The following MAML3 variants were observed in gnomAD, a reference collection of about 807,000 sequenced individuals.
The protein encoded by MAML3 is mastermind like transcriptional coactivator 3, also known as mastermind-like protein 3.
Under a neutral mutation model 101.9 loss-of-function variants are expected in MAML3, and 27 were observed. The ratio of observed to expected loss-of-function variants is 0.27; its 90% confidence interval spans 0.20 to 0.37. The LOEUF (loss-of-function observed/expected upper bound fraction) is 0.37, where lower values mean the gene tolerates loss of function less well. Ranked by LOEUF, MAML3 falls within the 10% of genes least tolerant of loss-of-function variation. MAML3 has a pLI of 1.00. For synonymous variants in MAML3, 501 were observed against 555.9 expected (o/e 0.90, Z 1.39); for missense variants, 1,316 against 1,444.9 (o/e 0.91, Z 1.45).
intron 1 of MAML3, among the ~76,000 whole-genome samples, chr4:140,000,377 C>G (rs1453041647): frequency 6.6e-6 from 1 of 151,840 alleles, no homozygotes; most frequent in African/African-American, 2.4e-5. Flanking sequence ...ATGATTCAAC[C>G]TGGGAATAAA....
chr4:140,043,787 C>T (rs369057952), intron 1 of MAML3, among the ~76,000 whole-genome samples: 7 of 152,066 alleles, frequency 4.6e-5, no homozygotes, highest in African/African-American at 9.7e-5. Context: ...CAGAAAAGTA[C>T]GTTGAAAATC....
At position 139,739,679 on chromosome 4, in the gene MAML3, G is replaced by GTTTCT. The variant is rs200037455; in HGVS notation, c.2080-9013_2080-9012insAGAAA. ...TTAAGAAAGGCAGGGGAGGAAAGCA[G>GTTTCT]TTTTTTTTTTTTTTTCTTTTATGTC... On this transcript the variant is annotated intron_variant, in intron 2 of 4. Coordinates refer to ENST00000509479, the MANE Select transcript of MAML3 (RefSeq NM_018717.5). Among the ~76,000 whole-genome samples the GTTTCT allele has an allele frequency of 4.1e-3, 542 of 132,154 alleles. 3 individuals are homozygous for GTTTCT. Among genetic ancestry groups the GTTTCT allele is most frequent in the Non-Finnish European group, 5.7e-3 (360 of 63,402 alleles). 86.7% of individuals were successfully genotyped at this position (132,154 alleles called of 152,430 possible). A position where few individuals can be genotyped will look rare whatever the true frequency, so the allele number is the denominator to read the frequency against.
chr4:139,772,419 G>A (rs1730014671), intron 2 of MAML3, among the ~76,000 whole-genome samples: 2 of 151,274 alleles, frequency 1.3e-5, no homozygotes, highest in South Asian at 4.2e-4. Flanking sequence ...TCGGCTCACT[G>A]CAACCTCCGC....
At chr4:139,770,780 T>A (rs1729959398) in intron 2 of MAML3, among the ~76,000 whole-genome samples, 1 of 152,090 alleles carries the variant, frequency 6.6e-6, no homozygotes, top group Non-Finnish European at 1.5e-5. Context: ...TGTTACACAG[T>A]AAAGTAAATG....
chr4:139,763,840 G>A (rs74594593), intron 2 of MAML3, among the ~76,000 whole-genome samples: 3,545 of 152,270 alleles, frequency 0.023, 125 homozygotes, highest in African/African-American at 0.08. Context: ...AATGAGAGAG[G>A]CCGCTGAATT....
At chr4:139,924,682 T>G (rs945765940) in intron 1 of MAML3, among the ~76,000 whole-genome samples, 1 of 152,222 alleles carries the variant, frequency 6.6e-6, no homozygotes, top group African/African-American at 2.4e-5. Flanking sequence ...GTTCCATTAC[T>G]TCACTCCCAA....
chr4:140,051,415 G>C (rs1727265541), intron 1 of MAML3, among the ~76,000 whole-genome samples: 2 of 152,062 alleles, frequency 1.3e-5, no homozygotes, highest in African/African-American at 2.4e-5. Flanking sequence ...AAATTAGCCA[G>C]GCGTGGTGGT....
chr4:139,783,115 T>C (rs1191439973), intron 2 of MAML3, among the ~76,000 whole-genome samples: 1 of 152,194 alleles, frequency 6.6e-6, no homozygotes, highest in Non-Finnish European at 1.5e-5. Flanking sequence ...ACAGCCTCGC[T>C]AAGTACAGGG....
chr4:139,765,194 A>G (rs528780756), intron 2 of MAML3, among the ~76,000 whole-genome samples: 9 of 151,896 alleles, frequency 5.9e-5, no homozygotes, highest in African/African-American at 1.7e-4. Flanking sequence ...TACATGTTAT[A>G]TCTGGTAAAA....
At position 140,153,774 on chromosome 4, in the gene MAML3, T is replaced by G; in HGVS notation, c.-447A>C. On this transcript the variant is annotated 5_prime_UTR_variant, in exon 1 of 5. It removes an upstream start codon present in the reference 5' UTR. Coordinates refer to ENST00000509479, the MANE Select transcript of MAML3 (RefSeq NM_018717.5). The stretch of plus-strand genomic sequence containing the variant: ...CACACCCCATGTACACACACAAGCA[T>G]ATGCCTCCAGTGCGGACACGCGCGA... 1 of 162,230 alleles carries G rather than the reference T, an allele frequency of 6.2e-6. No individual in the cohort carries two copies. Among genetic ancestry groups the G allele is most frequent in the Non-Finnish European group, 1.3e-5 (1 of 74,704 alleles). The allele number at this position is 162,230 out of a possible 1,614,324, so 10.0% of individuals were successfully genotyped here. A position where few individuals can be genotyped will look rare whatever the true frequency, so the allele number is the denominator to read the frequency against.
chr4:139,970,232 G>C (rs960341506), intron 1 of MAML3, among the ~76,000 whole-genome samples: 6 of 152,164 alleles, frequency 3.9e-5, no homozygotes, highest in Non-Finnish European at 8.8e-5. Flanking sequence ...CAGGCTTCAC[G>C]GACAAGGTAG....
chr4:140,075,361 A>G (rs1184617889), intron 1 of MAML3, among the ~76,000 whole-genome samples: 1 of 147,268 alleles, frequency 6.8e-6, no homozygotes, highest in Non-Finnish European at 1.5e-5. Context: ...AGATGTGTAG[A>G]AAAAAACAAG....
At chr4:139,815,916 T>A (rs2111117162) in intron 2 of MAML3, among the ~76,000 whole-genome samples, 1 of 152,126 alleles carries the variant, frequency 6.6e-6, no homozygotes, top group Middle Eastern at 3.4e-3. Context: ...AAATAATACT[T>A]CTAACGCTTG....
chr4:139,724,160 A>G (rs1167059124), intron 4 of MAML3, among the ~76,000 whole-genome samples: 1 of 152,236 alleles, frequency 6.6e-6, no homozygotes, highest in Non-Finnish European at 1.5e-5. Context: ...TCAAGGCCAA[A>G]GGATCTAATG....
chr4:140,013,445 AG>A (rs1378365476), intron 1 of MAML3, among the ~76,000 whole-genome samples: 1 of 152,192 alleles, frequency 6.6e-6, no homozygotes, highest in Non-Finnish European at 1.5e-5. Flanking sequence ...GCCATTAAGT[AG>A]TCTCTGTTAC....
chr4:139,997,706 A>G (rs1734844320), intron 1 of MAML3, among the ~76,000 whole-genome samples: 1 of 151,570 alleles, frequency 6.6e-6, no homozygotes, highest in Non-Finnish European at 1.5e-5. Flanking sequence ...GATTTCCTTT[A>G]GTATTTATTG....
intron 1 of MAML3, among the ~76,000 whole-genome samples, chr4:139,949,572 T>G (rs190974128): frequency 8.1e-4 from 123 of 152,370 alleles, no homozygotes; most frequent in African/African-American, 2.8e-3. Flanking sequence ...TACCCATCAT[T>G]TGATACTATG....
chr4:139,939,058 T>G (rs547357973), intron 1 of MAML3, among the ~76,000 whole-genome samples: 2 of 152,356 alleles, frequency 1.3e-5, no homozygotes, highest in African/African-American at 4.8e-5. Flanking sequence ...GCTTTATTTC[T>G]TTCCTTTCGG....
intron 2 of MAML3, among the ~76,000 whole-genome samples, chr4:139,800,765 T>C (rs915398745): frequency 6.6e-6 from 1 of 152,252 alleles, no homozygotes; most frequent in African/African-American, 2.4e-5. Context: ...CAAACAGCCA[T>C]TTGCCCAAAA....
Sources: gnomAD v4.1 joint callset for allele counts (sites outside exome capture counted in the v4.1 genomes callset) on GRCh38, gnomAD v4.1.1 for gene constraint, MANE v1.5 for transcripts, NCBI Gene and HGNC (gene_info 2026-07-23, HGNC 2026-07-21) for gene names.